Variants in SEM1 observed in about 807,000 individuals in gnomAD.
SEM1 encodes 26S proteasome complex subunit SEM1.
SEM1 carries 3 observed loss-of-function variants against 12.7 expected under a neutral mutation model. The observed-to-expected ratio is 0.24, with a 90% CI of 0.11 to 0.61. The LOEUF (loss-of-function observed/expected upper bound fraction) is 0.61, where lower values mean the gene tolerates loss of function less well. Among genes scored for constraint, SEM1 ranks in the 20% least tolerant of loss-of-function variants. The pLI is 0.88. For synonymous variants in SEM1, 30 were observed against 27.8 expected (o/e 1.08, Z -0.25); for missense variants, 59 against 81.3 (o/e 0.73, Z 1.06).
At chr7:96,486,110 G>T in intron 2 of SEM1, 2 of 851,126 alleles carry the variant, frequency 2.3e-6, no homozygotes, top group South Asian at 1.7e-5. Flanking sequence ...AATGTTGCTG[G>T]CCTTTAGTTT....
intron 1 of SEM1, chr7:96,496,215 A>G (rs969188638): frequency 2.9e-5 from 27 of 921,550 alleles, no homozygotes; most frequent in Non-Finnish European, 4.2e-5. Flanking sequence ...CACTCAAGGT[A>G]TACTAACTCA....
chr7:96,494,466 G>T (rs1435417003), intron 1 of SEM1, among the ~76,000 whole-genome samples: 1 of 152,070 alleles, frequency 6.6e-6, no homozygotes, highest in Non-Finnish European at 1.5e-5. Context: ...AAGGGCTTAG[G>T]AGGAACAGTT....
At chr7:96,680,484 C>A (rs1408171764) in intron 2 of SEM1, among the ~76,000 whole-genome samples, 1 of 152,018 alleles carries the variant, frequency 6.6e-6, no homozygotes, top group African/African-American at 2.4e-5. Context: ...TGTGCCGGCC[C>A]AGGCAAAGAT....
rs73708359 is a variant in SEM1, at chr7:96,578,786, A to G, written c.171-72088T>C. On this transcript the variant is annotated intron_variant and NMD_transcript_variant, in intron 2 of 3. Transcript: ENST00000466986. Reference sequence around the variant, plus strand: ...CAGCAAAATGCTGCTAATTAATGCTAGGCTGGGTGCCAGAGCCAGACCCTT... The same window carrying G: ...CAGCAAAATGCTGCTAATTAATGCTGGGCTGGGTGCCAGAGCCAGACCCTT... 2.3e-3 allele frequency among the ~76,000 whole-genome samples: 356 copies of G among 152,350 alleles called. 4 individuals carry two copies. Among genetic ancestry groups the G allele is most frequent in the African/African-American group, 7.9e-3 (329 of 41,588 alleles).
intron 2 of SEM1, among the ~76,000 whole-genome samples, chr7:96,544,925 C>T (rs1048922896): frequency 7.2e-5 from 11 of 151,864 alleles, no homozygotes; most frequent in African/African-American, 2.7e-4. Flanking sequence ...TCAGGGGCAG[C>T]ATAAGCAGAA....
At chr7:96,658,706 C>T (rs917302531) in intron 2 of SEM1, among the ~76,000 whole-genome samples, 5 of 152,154 alleles carry the variant, frequency 3.3e-5, no homozygotes, top group Non-Finnish European at 1.5e-5. Context: ...AACGTGAAGA[C>T]TTCTGCAATC....
chr7:96,541,197 A>G (rs1262186245), intron 2 of SEM1, among the ~76,000 whole-genome samples: 3 of 151,812 alleles, frequency 2.0e-5, no homozygotes, highest in Admixed American at 6.6e-5. Context: ...ACTAATTTAT[A>G]TTTCCACCAA....
chr7:96,685,483 G>T (rs1162788147), downstream of SEM1, among the ~76,000 whole-genome samples: 1 of 152,062 alleles, frequency 6.6e-6, no homozygotes, highest in Non-Finnish European at 1.5e-5. Flanking sequence ...GAGCATTTAT[G>T]TAAGACTATA....
At chr7:96,543,078 G>A (rs1805003824) in intron 2 of SEM1, among the ~76,000 whole-genome samples, 1 of 151,862 alleles carries the variant, frequency 6.6e-6, no homozygotes, top group South Asian at 2.1e-4. Context: ...AGTGGAGGAT[G>A]GGAAATGGAT....
chr7:96,614,103 T>A (rs1465286320), intron 2 of SEM1, among the ~76,000 whole-genome samples: 1 of 151,562 alleles, frequency 6.6e-6, no homozygotes, highest in Non-Finnish European at 1.5e-5. Flanking sequence ...ATCCATCTAC[T>A]GTATTTTCAA....
downstream of SEM1, among the ~76,000 whole-genome samples, chr7:96,670,090 T>C (rs1460661333): frequency 6.6e-6 from 1 of 152,200 alleles, no homozygotes; most frequent in Admixed American, 6.5e-5. Flanking sequence ...CCACTTTAAA[T>C]ACTATTGTTA....
intron 2 of SEM1, among the ~76,000 whole-genome samples, chr7:96,632,577 T>G (rs868794883): frequency 6.6e-6 from 1 of 151,896 alleles, no homozygotes; most frequent in African/African-American, 2.4e-5. Context: ...AGGGGAGGGA[T>G]AGCATTAGGA....
intron 2 of SEM1, among the ~76,000 whole-genome samples, chr7:96,643,367 T>G (rs1808677600): frequency 6.6e-6 from 1 of 152,100 alleles, no homozygotes; most frequent in East Asian, 1.9e-4. Flanking sequence ...TTTTTTATTA[T>G]ACTTTAAGTT....
At chr7:96,523,688 A>G (rs373225739) in intron 2 of SEM1, among the ~76,000 whole-genome samples, 52 of 152,048 alleles carry the variant, frequency 3.4e-4, no homozygotes, top group African/African-American at 1.0e-3. Flanking sequence ...TCTTCTCCCT[A>G]TCTTTTCTAC....
At chr7:96,593,755 G>T (rs909053959) in intron 2 of SEM1, among the ~76,000 whole-genome samples, 1 of 152,032 alleles carries the variant, frequency 6.6e-6, no homozygotes, top group African/African-American at 2.4e-5. Flanking sequence ...CAAAATGAAA[G>T]AAGGTCGTTA....
At chr7:96,666,637 ATTT>A (rs201188530) in intron 2 of SEM1, among the ~76,000 whole-genome samples, 9 of 134,512 alleles carry the variant, frequency 6.7e-5, no homozygotes, top group Admixed American at 7.5e-5. Flanking sequence ...ATTGAATCCA[ATTT>A]TTTTTTTTTT....
chr7:96,647,382 T>C (rs1808829108), intron 2 of SEM1: 1 of 152,240 alleles, frequency 6.6e-6, no homozygotes, highest in Non-Finnish European at 1.5e-5. Context: ...TATCATATTA[T>C]GAGACAAGTA....
intron 2 of SEM1, among the ~76,000 whole-genome samples, chr7:96,642,746 A>AT (rs560619379): frequency 6.5e-4 from 96 of 147,894 alleles, no homozygotes; most frequent in Middle Eastern, 3.5e-3. Flanking sequence ...TGTAGAAGCC[A>AT]TTTTTTTTTC....
At chr7:96,592,708 A>G (rs1298228889) in intron 2 of SEM1, among the ~76,000 whole-genome samples, 1 of 151,824 alleles carries the variant, frequency 6.6e-6, no homozygotes, top group African/African-American at 2.4e-5. Context: ...GTTTTTAAGT[A>G]TGGCCTAAGT....
Sources: allele counts gnomAD v4.1 joint callset (sites outside exome capture counted in the v4.1 genomes callset), GRCh38; gene constraint gnomAD v4.1.1; transcripts MANE v1.5; gene names NCBI Gene and HGNC (gene_info 2026-07-23, HGNC 2026-07-21).